HDAC9: variants seen among roughly 807,000 people sequenced by gnomAD.
The protein encoded by HDAC9 is histone deacetylase 9, also known as MEF-2 interacting transcription repressor (MITR) protein.
Under a neutral mutation model 139.4 loss-of-function variants are expected in HDAC9, and 41 were observed. That is an observed-to-expected ratio of 0.29 (90% CI 0.23 to 0.38). The LOEUF (loss-of-function observed/expected upper bound fraction) is 0.38. HDAC9 is among the 10% of genes least tolerant of loss of function. The pLI, the probability that HDAC9 is intolerant of heterozygous loss-of-function variation, is 1.00. For synonymous variants in HDAC9, 517 were observed against 476.2 expected (o/e 1.09, Z -1.12); for missense variants, 1,147 against 1,297.0 (o/e 0.88, Z 1.78).
chr7:18,985,451 T>G (rs1264148771), intron 25 of HDAC9, among the ~76,000 whole-genome samples: 1 of 152,256 alleles, frequency 6.6e-6, no homozygotes, highest in East Asian at 1.9e-4. Context: ...TGCCACATTT[T>G]CTTAATCCAG....
chr7:18,132,360 A>T (rs1785069876), intron 1 of HDAC9, among the ~76,000 whole-genome samples: 1 of 152,146 alleles, frequency 6.6e-6, no homozygotes, highest in South Asian at 2.1e-4. Context: ...TCATATCTGA[A>T]TATATTCAAA....
intron 2 of HDAC9, among the ~76,000 whole-genome samples, chr7:18,184,877 T>G (rs1789782997): frequency 6.6e-6 from 1 of 152,226 alleles, no homozygotes; most frequent in South Asian, 2.1e-4. Flanking sequence ...TTAAAATTTA[T>G]GATTTACACC....
intron 1 of HDAC9, among the ~76,000 whole-genome samples, chr7:18,132,947 A>C (rs1785119202): frequency 6.6e-6 from 1 of 152,108 alleles, no homozygotes; most frequent in Non-Finnish European, 1.5e-5. Context: ...CAGTCTTTCA[A>C]AATAACTCTC....
chr7:18,541,267 T>A (rs1365139842), intron 2 of HDAC9, among the ~76,000 whole-genome samples: 2 of 150,156 alleles, frequency 1.3e-5, no homozygotes, highest in Admixed American at 1.3e-4. Flanking sequence ...CTAATATGCA[T>A]GGATGGGTGC....
intron 1 of HDAC9, among the ~76,000 whole-genome samples, chr7:18,463,227 C>A (rs1040237799): frequency 6.6e-6 from 1 of 151,836 alleles, no homozygotes; most frequent in Admixed American, 6.6e-5. Flanking sequence ...TCTTGAAATT[C>A]TCTTATTAGA....
chr7:18,249,518 AAAAAAC>A (rs545920013), intron 2 of HDAC9, among the ~76,000 whole-genome samples: 36,351 of 127,478 alleles, frequency 0.29, 7,122 homozygotes, highest in Non-Finnish European at 0.39. Context: ...AAAAAAAAAA[AAAAAAC>A]AAAAAAAAAA....
intron 21 of HDAC9, among the ~76,000 whole-genome samples, chr7:18,864,294 T>G (rs1798325961): frequency 6.6e-6 from 1 of 152,178 alleles, no homozygotes; most frequent in South Asian, 2.1e-4. Context: ...AAATACTGCA[T>G]GATTTCACTT....
At chr7:18,694,828 T>C (rs1782925050) in intron 12 of HDAC9, among the ~76,000 whole-genome samples, 1 of 152,180 alleles carries the variant, frequency 6.6e-6, no homozygotes, top group Admixed American at 6.6e-5. Flanking sequence ...AACTTTTTCT[T>C]CAAAGGGACA....
chr7:18,165,725 G>A (rs963031500), intron 2 of HDAC9, among the ~76,000 whole-genome samples: 6 of 151,796 alleles, frequency 4.0e-5, no homozygotes, highest in Non-Finnish European at 8.8e-5. Flanking sequence ...AGGAGGTCAA[G>A]GCTGCAGTGA....
chr7:18,298,512 C>A (rs1046500403), intron 1 of HDAC9, among the ~76,000 whole-genome samples: 3 of 152,038 alleles, frequency 2.0e-5, no homozygotes, highest in African/African-American at 7.2e-5. Flanking sequence ...TCAATTCCCA[C>A]CTATGAGTGA....
chr7:18,902,627 G>A (rs1241940014), intron 22 of HDAC9, among the ~76,000 whole-genome samples: 2 of 152,150 alleles, frequency 1.3e-5, no homozygotes, highest in Admixed American at 6.5e-5. Flanking sequence ...GACAAGGGCA[G>A]GGGGAAATGA....
intron 1 of HDAC9, among the ~76,000 whole-genome samples, chr7:18,109,603 C>CTT (rs142992222): frequency 1.3e-3 from 197 of 147,656 alleles, no homozygotes; most frequent in African/African-American, 3.6e-3. Context: ...ATAAATAAAC[C>CTT]TTTTTTTTTT....
rs751364537 is a variant in HDAC9, at chr7:18,935,959, AC to A, written c.2937+18del. 6.2e-7 allele frequency: 1 copy of A among 1,609,756 alleles called. No individual in the cohort carries two copies. The highest frequency in any genetic ancestry group is 8.5e-7 in the Non-Finnish European group (1 of 1,176,912). ...GGAAATGAGGTAAAAAAGTAAAAGT[AC>A]AAAGGGGCAGGGGTAAAGAATCAGG... On this transcript the variant is annotated intron_variant, in intron 23 of 25. Coordinates refer to ENST00000686413, the MANE Select transcript of HDAC9 (RefSeq NM_178425.4).
chr7:18,158,368 A>G (rs553347894), intron 1 of HDAC9, among the ~76,000 whole-genome samples: 54 of 152,332 alleles, frequency 3.5e-4, no homozygotes, highest in Non-Finnish European at 6.0e-4. Context: ...GATCTATTCA[A>G]TGGCTTGACA....
intron 22 of HDAC9, among the ~76,000 whole-genome samples, chr7:18,903,214 G>T (rs1331112304): frequency 1.3e-5 from 2 of 152,164 alleles, no homozygotes; most frequent in Non-Finnish European, 2.9e-5. Context: ...CCTGCATTTG[G>T]GTCCTGACTT....
intron 1 of HDAC9, among the ~76,000 whole-genome samples, chr7:18,482,205 G>A (rs1315233860): frequency 6.6e-6 from 1 of 151,450 alleles, no homozygotes; most frequent in African/African-American, 2.4e-5. Context: ...ACTGAAAACA[G>A]GGGCACAACC....
chr7:18,706,005 T>G (rs73069062), intron 12 of HDAC9, among the ~76,000 whole-genome samples: 1,771 of 152,128 alleles, frequency 0.012, 12 homozygotes, highest in Non-Finnish European at 0.018. Context: ...CTGGGCAGAT[T>G]TGTGTCCTAG....
chr7:18,967,408 C>T (rs1219722363), intron 24 of HDAC9, among the ~76,000 whole-genome samples: 1 of 149,240 alleles, frequency 6.7e-6, no homozygotes, highest in Non-Finnish European at 1.5e-5. Context: ...TTAATTGCTT[C>T]AAACAGAAAA....
chr7:18,102,252 G>GGT (rs1352523084), intron 1 of HDAC9, among the ~76,000 whole-genome samples: 4 of 152,066 alleles, frequency 2.6e-5, no homozygotes, highest in Non-Finnish European at 5.9e-5. Context: ...TCCTTGAGGT[G>GGT]GTATAGTTCC....
Sources: gnomAD v4.1 joint callset for allele counts (sites outside exome capture counted in the v4.1 genomes callset) on GRCh38, gnomAD v4.1.1 for gene constraint, MANE v1.5 for transcripts, NCBI Gene and HGNC (gene_info 2026-07-23, HGNC 2026-07-21) for gene names.